GREM2: variants seen among roughly 807,000 people sequenced by gnomAD.
The protein encoded by GREM2 is gremlin-2.
Under a neutral mutation model 14.2 loss-of-function variants are expected in GREM2, and 11 were observed. That is an observed-to-expected ratio of 0.78 (90% CI 0.49 to 1.28). The LOEUF (loss-of-function observed/expected upper bound fraction) is 1.28, where lower values mean the gene tolerates loss of function less well. Ranked by LOEUF, GREM2 falls within the 50% of genes most tolerant of loss-of-function variation. The pLI is 0.00. For synonymous variants in GREM2, 98 were observed against 97.6 expected (o/e 1.00, Z -0.02); for missense variants, 210 against 218.5 (o/e 0.96, Z 0.24).
chr1:240,564,978 CTT>C (rs1679148173), intron 1 of GREM2, among the ~76,000 whole-genome samples: 1 of 152,202 alleles, frequency 6.6e-6, no homozygotes, highest in Non-Finnish European at 1.5e-5. Flanking sequence ...ACTGTGTTGA[CTT>C]CCTTTTTGTC....
intron 1 of GREM2, among the ~76,000 whole-genome samples, chr1:240,494,182 A>G (rs1479456369): frequency 6.6e-6 from 1 of 152,194 alleles, no homozygotes; most frequent in African/African-American, 2.4e-5. Context: ...TTACATGTAT[A>G]TCTCATTTCA....
chr1:240,577,900 CT>C (rs768937884), intron 1 of GREM2, among the ~76,000 whole-genome samples: 39 of 152,140 alleles, frequency 2.6e-4, no homozygotes, highest in Non-Finnish European at 5.1e-4. Context: ...ACATAAATCA[CT>C]CATTAAAGAC....
chr1:240,553,046 G>T (rs1678886072), intron 1 of GREM2, among the ~76,000 whole-genome samples: 1 of 152,056 alleles, frequency 6.6e-6, no homozygotes, highest in Non-Finnish European at 1.5e-5. Context: ...ACTCTGTATT[G>T]GAAATTGTAT....
At position 240,543,962 on chromosome 1, in the gene GREM2, C is replaced by T. The variant is rs1014016628; in HGVS notation, c.-1-50486G>A. On this transcript the variant is annotated intron_variant, in intron 1 of 1. Transcript: ENST00000318160. The surrounding 1 kb of genome is among the most constrained non-coding windows in gnomAD (Gnocchi z 6.4). ...CCACATTCATGGGTTCAACCAACCT[C>T]AGATCAAAAATATTAAGGAAAATTC... Among the ~76,000 whole-genome samples, 6 of 152,290 alleles carry T rather than the reference C, an allele frequency of 3.9e-5. No individual in the cohort carries two copies. Among genetic ancestry groups the T allele is most frequent in the Middle Eastern group, 3.4e-3 (1 of 294 alleles).
At chr1:240,504,360 G>A (rs190915998) in intron 1 of GREM2, among the ~76,000 whole-genome samples, 35 of 152,206 alleles carry the variant, frequency 2.3e-4, no homozygotes, top group Non-Finnish European at 1.0e-4. Context: ...ATCAGCATAT[G>A]TCTAACCCTC....
At chr1:240,516,808 T>A (rs1357857142) in intron 1 of GREM2, among the ~76,000 whole-genome samples, 1 of 152,034 alleles carries the variant, frequency 6.6e-6, no homozygotes, top group Non-Finnish European at 1.5e-5. Flanking sequence ...GAATTGTGGG[T>A]TTTAATTTTT....
intron 1 of GREM2, among the ~76,000 whole-genome samples, chr1:240,516,127 C>CTTT (rs34728833): frequency 3.5e-5 from 5 of 143,504 alleles, no homozygotes; most frequent in African/African-American, 1.3e-4. Context: ...CCAACCCTGA[C>CTTT]TTTTTTTTTT....
chr1:240,598,934 C>CCCAT (rs147882767), intron 1 of GREM2, among the ~76,000 whole-genome samples: 64 of 151,722 alleles, frequency 4.2e-4, no homozygotes, highest in South Asian at 1.3e-3. Context: ...CACTTACCCA[C>CCCAT]CCATCCATCC....
At chr1:240,506,237 T>C (rs534452329) in intron 1 of GREM2, among the ~76,000 whole-genome samples, 1 of 152,292 alleles carries the variant, frequency 6.6e-6, no homozygotes, top group South Asian at 2.1e-4. Context: ...GAAAATGTTA[T>C]AAAGAAAGAC....
chr1:240,592,331 G>A (rs941585788), intron 1 of GREM2, among the ~76,000 whole-genome samples: 8 of 151,976 alleles, frequency 5.3e-5, no homozygotes, highest in African/African-American at 1.9e-4. Flanking sequence ...TGGACACAAC[G>A]AGATACCATC....
At chr1:240,499,335 C>T (rs1436741142) in intron 1 of GREM2, among the ~76,000 whole-genome samples, 2 of 152,042 alleles carry the variant, frequency 1.3e-5, no homozygotes, top group East Asian at 1.9e-4. Context: ...TGGTGAATGG[C>T]GTGGGGCTGA....
At chr1:240,559,519 T>A (rs1679003998) in intron 1 of GREM2, among the ~76,000 whole-genome samples, 1 of 151,910 alleles carries the variant, frequency 6.6e-6, no homozygotes, top group South Asian at 2.1e-4. Flanking sequence ...AATTTTTGTA[T>A]TTTTAGTAGA....
chr1:240,584,324 G>T (rs1191368028), intron 1 of GREM2, among the ~76,000 whole-genome samples: 2 of 151,628 alleles, frequency 1.3e-5, no homozygotes, highest in Admixed American at 6.6e-5. Context: ...ATAAAACCCT[G>T]TCTCCACTAA....
chr1:240,527,925 T>C (rs1277200732), intron 1 of GREM2, among the ~76,000 whole-genome samples: 1 of 152,142 alleles, frequency 6.6e-6, no homozygotes, highest in Non-Finnish European at 1.5e-5. Context: ...CCTGGTTTTT[T>C]AACACCAGAG....
At chr1:240,546,130 T>G (rs1362836312) in intron 1 of GREM2, among the ~76,000 whole-genome samples, 1 of 151,582 alleles carries the variant, frequency 6.6e-6, no homozygotes, top group African/African-American at 2.4e-5. Flanking sequence ...AGCTTAGAAG[T>G]TCAAGAGCAG....
intron 1 of GREM2, among the ~76,000 whole-genome samples, chr1:240,586,021 C>A: frequency 6.7e-6 from 1 of 149,798 alleles, no homozygotes; most frequent in Non-Finnish European, 1.5e-5. Flanking sequence ...ATTCAGAACC[C>A]ACGATAGAAA....
At chr1:240,498,643 G>A (rs777712698) in intron 1 of GREM2, among the ~76,000 whole-genome samples, 28 of 152,136 alleles carry the variant, frequency 1.8e-4, no homozygotes, top group East Asian at 5.8e-4. Context: ...CAGCGGCCCC[G>A]CCAGGAGCTG....
intron 1 of GREM2, among the ~76,000 whole-genome samples, chr1:240,580,048 G>A (rs1195425662): frequency 6.6e-6 from 1 of 152,094 alleles, no homozygotes; most frequent in Non-Finnish European, 1.5e-5. Flanking sequence ...TAGAAATTTA[G>A]ACTCCGCTTC....
intron 1 of GREM2, among the ~76,000 whole-genome samples, chr1:240,521,496 G>A (rs1421495574): frequency 2.0e-5 from 3 of 151,870 alleles, no homozygotes; most frequent in Admixed American, 1.3e-4. Flanking sequence ...GCGTGAACCC[G>A]GGAGGCGGAG....
Sources: gnomAD v4.1 joint callset for allele counts (sites outside exome capture counted in the v4.1 genomes callset) on GRCh38, gnomAD v4.1.1 for gene constraint, Gnocchi (gnomAD v3.1) non-coding constraint, MANE v1.5 for transcripts, NCBI Gene and HGNC (gene_info 2026-07-23, HGNC 2026-07-21) for gene names.